NEMF: variants seen among roughly 807,000 people sequenced by gnomAD.
NEMF encodes the protein nuclear export mediator factor.
In NEMF, 89 loss-of-function variants were observed where a neutral mutation model predicts 162.2. That is an observed-to-expected ratio of 0.55 (90% confidence interval 0.46 to 0.65). NEMF has a LOEUF of 0.65. Among genes scored for constraint, NEMF ranks in the 30% least tolerant of loss-of-function variants. NEMF has a pLI of 0.00. For synonymous variants in NEMF, 421 were observed against 404.5 expected (o/e 1.04, Z -0.49); for missense variants, 1,133 against 1,261.9 (o/e 0.90, Z 1.55).
intron 1 of NEMF, 122 bp from the exon 2 acceptor site, chr14:49,851,997 G>A (rs1352189692): frequency 3.3e-6 from 2 of 614,708 alleles, no homozygotes; most frequent in Non-Finnish European, 5.6e-6. Flanking sequence ...AGTCAGCCGA[G>A]GAGCAGAGTC....
At chr14:49,833,180 C>T (rs1892730412) in intron 8 of NEMF, among the ~76,000 whole-genome samples, 1 of 152,088 alleles carries the variant, frequency 6.6e-6, no homozygotes, top group Non-Finnish European at 1.5e-5. Context: ...ACAGGAGAAT[C>T]ACTTCAACCA....
chr14:49,852,545 A>G, intron 1 of NEMF, 150 bp downstream of exon 1: 1 of 783,204 alleles, frequency 1.3e-6, no homozygotes. Context: ...CACGGGAAAG[A>G]CACCACACGC....
chr14:49,834,273 G>T (rs934705085), intron 7 of NEMF, 90 bp downstream of exon 7: 63 of 823,186 alleles, frequency 7.7e-5, no homozygotes, highest in Non-Finnish European at 1.2e-4. Flanking sequence ...TTTCATTCTA[G>T]AACCACCTGC....
chr14:49,797,965 C>T (rs754506700), intron 25 of NEMF, among the ~76,000 whole-genome samples: 6 of 152,104 alleles, frequency 3.9e-5, no homozygotes, highest in Admixed American at 3.9e-4. Context: ...TCCCAAAATG[C>T]GCATGTCAGG....
intron 18 of NEMF, among the ~76,000 whole-genome samples, chr14:49,808,309 AT>A: frequency 6.6e-6 from 1 of 152,138 alleles, no homozygotes; most frequent in South Asian, 2.1e-4. Flanking sequence ...AGTAGCTTGG[AT>A]TACAGGCACC....
At position 49,795,932 on chromosome 14, in the gene NEMF, C is replaced by G; in HGVS notation, c.2478G>C (p.Lys826Asn). The change falls in exon 26 of 33, where the codon AAG (lysine) becomes AAC (asparagine). Residue 826 changes from lysine to asparagine, a missense_variant. Transcript: ENST00000298310. ...LSAKERREMK[K>N]KKLPSDSGDL... ...CTCCTGAGTCACTTGGAAGTTTTTT[C>G]TTTTTCATTTCCCTGAATAAAAAAG... 6.3e-7 allele frequency: 1 copy of G among 1,591,728 alleles called. No homozygotes were observed.
chr14:49,852,573 G>C lies in NEMF; in HGVS notation c.59+122C>G, dbSNP rs931391363. 1.6e-5 allele frequency: 17 copies of C among 1,075,068 alleles called. No individual in the cohort carries two copies. In the African/African-American group the frequency reaches 2.0e-4, roughly 13 times the overall value. 66.6% of individuals were successfully genotyped at this position (1,075,068 alleles called of 1,614,324 possible). ...CCACACGCCTGCCCACTCAGGCCTA[G>C]GCAGGTCCATAGACGCACTAGGAAA... On this transcript the variant is annotated intron_variant, in intron 1 of 32. Transcript: ENST00000298310.
At chr14:49,822,378 G>A (rs541817676) in intron 16 of NEMF, among the ~76,000 whole-genome samples, 11 of 151,006 alleles carry the variant, frequency 7.3e-5, no homozygotes, top group South Asian at 2.1e-4. Flanking sequence ...AAAGTTAGCC[G>A]GGCATGGTGG....
At chr14:49,807,592 ATTTT>A (rs371689750) in intron 18 of NEMF, among the ~76,000 whole-genome samples, 7 of 125,358 alleles carry the variant, frequency 5.6e-5, no homozygotes, top group Admixed American at 4.9e-4. Context: ...GTATCTTGTG[ATTTT>A]TTTTTTTTTT....
At chr14:49,840,264 C>A (rs988048969) in intron 5 of NEMF, among the ~76,000 whole-genome samples, 5 of 152,130 alleles carry the variant, frequency 3.3e-5, no homozygotes, top group Non-Finnish European at 7.4e-5. Context: ...GAGATCAAGA[C>A]CAGCAAGGCT....
chr14:49,788,797 T>C (rs1156778909), intron 28 of NEMF, among the ~76,000 whole-genome samples: 1 of 152,142 alleles, frequency 6.6e-6, no homozygotes, highest in East Asian at 1.9e-4. Context: ...GACCTTGTGA[T>C]CTGCCTGCCT....
chr14:49,832,198 T>C lies in NEMF; in HGVS notation c.806+9A>G. On this transcript the variant is annotated intron_variant, in intron 9 of 32. Coordinates refer to ENST00000298310, the MANE Select transcript of NEMF (RefSeq NM_004713.6). The stretch of plus-strand genomic sequence containing the variant: ...TCCAAAGCAAATTGACCCATGCCTA[T>C]ATGCTTACGTCAGTATGTCTTCAAC... 6.2e-7 allele frequency: 1 copy of C among 1,605,698 alleles called. No homozygotes were observed. The highest frequency in any genetic ancestry group is 8.5e-7 in the Non-Finnish European group (1 of 1,175,054).
intron 25 of NEMF, among the ~76,000 whole-genome samples, chr14:49,797,098 T>TTA (rs771275963): frequency 1.2e-4 from 19 of 152,350 alleles, no homozygotes; most frequent in Admixed American, 4.6e-4. Flanking sequence ...GGCATGAGCT[T>TTA]TATACTTCAC....
rs1173256323 is a variant in NEMF, at chr14:49,838,040, T to G, written c.574+99A>C. 10 of 889,394 alleles carry G rather than the reference T, an allele frequency of 1.1e-5. No homozygotes were observed. The African/African-American group carries it at 1.5e-4, about 13-fold the overall frequency. 55.1% of individuals were successfully genotyped at this position (889,394 alleles called of 1,614,324 possible). A position where few individuals can be genotyped will look rare whatever the true frequency, so the allele number is the denominator to read the frequency against. On this transcript the variant is annotated intron_variant, in intron 6 of 32. Transcript: ENST00000298310. ...AACTCCTACTTACTCCAAGGATCAC[T>G]TGTTCAAATTTTCTAATAAAACCAT...
chr14:49,842,211 C>A (rs1174253833), intron 4 of NEMF, among the ~76,000 whole-genome samples: 1 of 64,132 alleles, frequency 1.6e-5, no homozygotes, highest in African/African-American at 4.5e-5. Flanking sequence ...CTCAACACAA[C>A]AAAATAGTAG....
chr14:49,819,603 G>A (rs1165422026), intron 16 of NEMF, among the ~76,000 whole-genome samples: 1 of 152,012 alleles, frequency 6.6e-6, no homozygotes, highest in Non-Finnish European at 1.5e-5. Context: ...TTGTAGAGAC[G>A]GGGTTTCGCC....
chr14:49,822,690 A>C (rs1417057476), intron 16 of NEMF, among the ~76,000 whole-genome samples: 1 of 151,114 alleles, frequency 6.6e-6, no homozygotes, highest in Non-Finnish European at 1.5e-5. Context: ...AAAAAAAAAA[A>C]AAAAAAGAGG....
intron 4 of NEMF, among the ~76,000 whole-genome samples, chr14:49,842,258 A>G (rs188661401): frequency 6.6e-6 from 1 of 152,324 alleles, no homozygotes; most frequent in East Asian, 1.9e-4. Flanking sequence ...TTAGAAAAAA[A>G]GGAAAACATA....
At chr14:49,789,653 CTT>C (rs1385379913) in intron 26 of NEMF, 80 bp from the exon 27 acceptor site, 1 of 1,533,976 alleles carries the variant, frequency 6.5e-7, no homozygotes, top group Non-Finnish European at 8.7e-7. Context: ...AATGGTGTTA[CTT>C]TATATTCTCT....
Sources: allele counts gnomAD v4.1 joint callset (sites outside exome capture counted in the v4.1 genomes callset), GRCh38; gene constraint gnomAD v4.1.1; transcripts MANE v1.5; gene names NCBI Gene and HGNC (gene_info 2026-07-23, HGNC 2026-07-21).